STK39: variants seen among roughly 807,000 people sequenced by gnomAD.
The protein encoded by STK39 is serine/threonine kinase 39.
Under a neutral mutation model 77.8 loss-of-function variants are expected in STK39, and 20 were observed. The observed-to-expected ratio is 0.26, with a 90% CI of 0.18 to 0.37. STK39 has a LOEUF of 0.37. Among genes scored for constraint, STK39 ranks in the 10% least tolerant of loss-of-function variants. The pLI is 1.00. For synonymous variants in STK39, 246 were observed against 234.1 expected (o/e 1.05, Z -0.47); for missense variants, 479 against 656.5 (o/e 0.73, Z 2.95).
At chr2:168,053,610 T>C (rs1165222377) in intron 14 of STK39, among the ~76,000 whole-genome samples, 5 of 152,208 alleles carry the variant, frequency 3.3e-5, no homozygotes, top group Non-Finnish European at 5.9e-5. Context: ...GTACTCACAA[T>C]GTCCTCTTGC....
chr2:167,989,084 G>A (rs1025326672), intron 16 of STK39, among the ~76,000 whole-genome samples: 1 of 152,178 alleles, frequency 6.6e-6, no homozygotes, highest in Non-Finnish European at 1.5e-5. Flanking sequence ...TGGTACAGAT[G>A]AAAGATTAGG....
chr2:167,975,877 A>C (rs1302832738), intron 16 of STK39, among the ~76,000 whole-genome samples: 2 of 152,218 alleles, frequency 1.3e-5, no homozygotes, highest in African/African-American at 4.8e-5. Flanking sequence ...AGGACTGGTC[A>C]TGATAGGAAA....
At chr2:167,966,509 GA>G (rs747808301) in intron 16 of STK39, among the ~76,000 whole-genome samples, 2 of 152,196 alleles carry the variant, frequency 1.3e-5, no homozygotes, top group African/African-American at 2.4e-5. Context: ...TAATGTGGAT[GA>G]TTTACTGCCT....
At chr2:168,182,822 A>C (rs1295431184) in intron 1 of STK39, among the ~76,000 whole-genome samples, 1 of 152,114 alleles carries the variant, frequency 6.6e-6, no homozygotes, top group African/African-American at 2.4e-5. Flanking sequence ...TAGGGGCAAA[A>C]AGGTTTTCAG....
intron 5 of STK39, among the ~76,000 whole-genome samples, chr2:168,143,646 G>A (rs554025387): frequency 1.3e-4 from 20 of 152,076 alleles, no homozygotes; most frequent in Admixed American, 2.6e-4. Context: ...CCCAGGAGGC[G>A]GAGGTTGCAG....
intron 14 of STK39, among the ~76,000 whole-genome samples, chr2:168,023,385 G>A (rs558443376): frequency 2.0e-5 from 3 of 151,982 alleles, no homozygotes; most frequent in East Asian, 1.9e-4. Context: ...ACAATCAAAC[G>A]AGGCAGCTGG....
chr2:167,966,108 C>T (rs891285824), intron 16 of STK39, among the ~76,000 whole-genome samples: 10 of 152,192 alleles, frequency 6.6e-5, no homozygotes, highest in African/African-American at 2.4e-4. Flanking sequence ...CATCTGCCTC[C>T]TCTTTTTCTC....
chr2:168,024,691 T>C (rs1397994297), intron 14 of STK39, among the ~76,000 whole-genome samples: 1 of 152,202 alleles, frequency 6.6e-6, no homozygotes, highest in African/African-American at 2.4e-5. Flanking sequence ...TTTTGTTGTA[T>C]CAGCACGAAT....
At chr2:168,061,307 C>G (rs866322976) in intron 14 of STK39, among the ~76,000 whole-genome samples, 1 of 150,810 alleles carries the variant, frequency 6.6e-6, no homozygotes, top group Non-Finnish European at 1.5e-5. Flanking sequence ...ATCTGGAATC[C>G]TGTATTTAAA....
chr2:168,195,477 T>A (rs963687201), intron 1 of STK39, among the ~76,000 whole-genome samples: 11 of 152,308 alleles, frequency 7.2e-5, no homozygotes, highest in Non-Finnish European at 1.6e-4. Context: ...CTGCACATAA[T>A]TTAATAAAGT....
chr2:167,986,985 G>C (rs1012629549), intron 16 of STK39, among the ~76,000 whole-genome samples: 1 of 152,172 alleles, frequency 6.6e-6, no homozygotes, highest in African/African-American at 2.4e-5. Flanking sequence ...AATGAAAAGG[G>C]CCAACAAGAC....
intron 14 of STK39, among the ~76,000 whole-genome samples, chr2:168,026,211 GTAAGTGCT>G (rs1684695269): frequency 1.3e-5 from 2 of 152,154 alleles, no homozygotes; most frequent in African/African-American, 4.8e-5. Context: ...AACAATGTAA[GTAAGTGCT>G]TAAAAAATAC....
intron 14 of STK39, among the ~76,000 whole-genome samples, chr2:168,030,023 G>A (rs1005153800): frequency 2.6e-5 from 4 of 152,110 alleles, no homozygotes; most frequent in African/African-American, 9.7e-5. Context: ...GGCGGATCAC[G>A]AGGTCAGGAG....
chr2:168,026,437 C>A (rs1214868054), intron 14 of STK39, among the ~76,000 whole-genome samples: 1 of 152,140 alleles, frequency 6.6e-6, no homozygotes, highest in Non-Finnish European at 1.5e-5. Flanking sequence ...GAAACTGAAG[C>A]CAAGGAGATT....
chr2:168,000,941 A>C (rs1159862986), intron 16 of STK39, among the ~76,000 whole-genome samples: 2 of 152,202 alleles, frequency 1.3e-5, no homozygotes, highest in African/African-American at 4.8e-5. Flanking sequence ...CAAATTCTAC[A>C]AGGATAAAGA....
In STK39 at chr2:167,996,963, T is replaced by C. The variant is rs566668177; in HGVS notation, c.1498+15671A>G. On this transcript the variant is annotated intron_variant, in intron 16 of 17. Transcript: ENST00000355999. ...GGCAGTAAGAGAGGGTCATTGCAGT[T>C]ACTGGAAGCACGCAGAAAACTAAAC... 8.6e-5 allele frequency among the ~76,000 whole-genome samples: 13 copies of C among 151,296 alleles called. 1 individual carries two copies. In the South Asian group the frequency reaches 2.8e-3, roughly 32 times the overall value.
intron 10 of STK39, among the ~76,000 whole-genome samples, chr2:168,086,281 G>A (rs1056944748): frequency 1.3e-5 from 2 of 151,626 alleles, no homozygotes; most frequent in East Asian, 3.9e-4. Context: ...TTTTCTAATT[G>A]TGTATACTCC....
At chr2:167,963,960 A>G (rs1274099157) in intron 17 of STK39, among the ~76,000 whole-genome samples, 3 of 152,216 alleles carry the variant, frequency 2.0e-5, no homozygotes, top group African/African-American at 7.2e-5. Context: ...ACCTTAATGT[A>G]CTGTTCGCTA....
chr2:168,221,158 C>T (rs561995305), intron 1 of STK39, among the ~76,000 whole-genome samples: 6 of 152,254 alleles, frequency 3.9e-5, no homozygotes, highest in African/African-American at 1.4e-4. Flanking sequence ...AGGCACAACT[C>T]GATTAAGTTC....
Sources: allele counts gnomAD v4.1 joint callset (sites outside exome capture counted in the v4.1 genomes callset), GRCh38; gene constraint gnomAD v4.1.1; transcripts MANE v1.5; gene names NCBI Gene and HGNC (gene_info 2026-07-23, HGNC 2026-07-21).